ICE1: variants seen among roughly 807,000 people sequenced by gnomAD.
The protein encoded by ICE1 is little elongation complex subunit 1.
A neutral mutation model predicts 192.7 loss-of-function variants in ICE1; 64 were observed. The observed-to-expected ratio is 0.33, with a 90% CI of 0.27 to 0.41. The LOEUF is 0.41. Ranked by LOEUF, ICE1 falls within the 10% of genes least tolerant of loss-of-function variation. ICE1 has a pLI of 1.00. For missense variants in ICE1, 2,708 were observed against 2,696.0 expected (o/e 1.00, Z -0.10); for synonymous variants, 1,010 against 984.5 (o/e 1.03, Z -0.49).
chr5:5,437,784 T>C (rs934371763), intron 3 of ICE1: 1 of 152,220 alleles, frequency 6.6e-6, no homozygotes, highest in African/African-American at 2.4e-5. Context: ...TTTAAATCTC[T>C]CCTGTAAAAA....
At chr5:5,429,473 G>A (rs755729393) in intron 1 of ICE1, among the ~76,000 whole-genome samples, 21 of 152,304 alleles carry the variant, frequency 1.4e-4, no homozygotes, top group Non-Finnish European at 3.1e-4. Context: ...GAGTGCTACA[G>A]CCAGCTGGTA....
At chr5:5,429,527 A>G (rs1298168139) in intron 1 of ICE1, among the ~76,000 whole-genome samples, 1 of 152,208 alleles carries the variant, frequency 6.6e-6, no homozygotes, top group East Asian at 1.9e-4. Context: ...CTTCTAGCCC[A>G]AGATGTCAGT....
Position 5,443,195 on chromosome 5 carries a change from C to A in ICE1, c.337C>A (p.His113Asn), listed in dbSNP as rs774511819. 34 of 1,509,878 alleles carry A rather than the reference C, an allele frequency of 2.3e-5. No individual in the cohort carries two copies. In the South Asian group the frequency reaches 4.2e-4, roughly 19 times the overall value. The allele number at this position is 1,509,878 out of a possible 1,614,324, so 93.5% of individuals were successfully genotyped here. A position where few individuals can be genotyped will look rare whatever the true frequency, so the allele number is the denominator to read the frequency against. ...TTCTTTAAAGTTGTATCAGGATACT[C>A]ATCAGGAATATGCTCGTGTAAAGGA... ...KSSLKLYQDT[H>N]QEYARVKEEC... The change falls in exon 6 of 19, where the codon CAT becomes AAT. Residue 113 changes from histidine to asparagine, a missense_variant. By Grantham distance (68) the His-to-Asn change is moderately conservative. Coordinates refer to ENST00000296564, the MANE Select transcript of ICE1 (RefSeq NM_015325.3).
intron 3 of ICE1, 121 bp downstream of exon 3, chr5:5,437,235 A>G: frequency 1.5e-6 from 1 of 685,674 alleles, no homozygotes; most frequent in Non-Finnish European, 2.5e-6. Context: ...AGGCTTCAGT[A>G]GGGAGCATGT....
Position 5,422,923 on chromosome 5 carries a change from C to G in ICE1, c.8C>G (p.Pro3Arg), listed in dbSNP as rs758716718. Residue 3 changes from proline to arginine, a missense_variant, in exon 1 of 19, where the codon CCG (proline) becomes CGG (arginine). This residue lies in a region of ICE1 where 2,366 missense variants were observed against 2,276.6 expected (regional missense o/e 1.04). Coordinates refer to ENST00000296564, the MANE Select transcript of ICE1 (RefSeq NM_015325.3). ...GGGCCCGGCGGCGGCACCATGATGCCGGGCGAGACCCATTCGGCGGCGCCC... is the reference window on the plus strand; with the variant it reads ...GGGCCCGGCGGCGGCACCATGATGCGGGGCGAGACCCATTCGGCGGCGCCC... MM[P>R]GETHSAAPGT... is the part of the protein sequence containing the mutation. 2.1e-6 allele frequency: 3 copies of G among 1,417,660 alleles called. No individual in the cohort carries two copies. The highest frequency in any genetic ancestry group is 2.6e-5 in the Admixed American group (1 of 38,474). 87.8% of individuals were successfully genotyped at this position (1,417,660 alleles called of 1,614,324 possible). A position where few individuals can be genotyped will look rare whatever the true frequency, so the allele number is the denominator to read the frequency against.
At position 5,485,045 on chromosome 5, in the gene ICE1, A is replaced by G. The variant is rs78615640; in HGVS notation, c.6521-1676A>G. Among the ~76,000 whole-genome samples, 637 of 152,046 alleles carry G rather than the reference A, an allele frequency of 4.2e-3. 13 individuals are homozygous for G. The East Asian group carries it at 0.06, about 14-fold the overall frequency. The stretch of plus-strand genomic sequence containing the variant: ...CTGCGAGTGTAGGGGAATGGGGGGA[A>G]TGATGCCATCCTGCTTGCTTTAGCC... On this transcript the variant is annotated intron_variant, in intron 17 of 18. Coordinates refer to ENST00000296564, the MANE Select transcript of ICE1 (RefSeq NM_015325.3).
chr5:5,432,253 A>G (rs903727574), intron 1 of ICE1, among the ~76,000 whole-genome samples: 1 of 152,152 alleles, frequency 6.6e-6, no homozygotes, highest in Non-Finnish European at 1.5e-5. Flanking sequence ...GGCTCTGTTA[A>G]GGAAAATTCA....
At chr5:5,428,560 T>G (rs915241985) in intron 1 of ICE1, among the ~76,000 whole-genome samples, 1 of 152,236 alleles carries the variant, frequency 6.6e-6, no homozygotes, top group African/African-American at 2.4e-5. Context: ...GTTAACATGT[T>G]ATTGCATTTG....
Position 5,462,761 on chromosome 5 carries a change from G to T in ICE1, c.3427G>T (p.Val1143Leu), listed in dbSNP as rs752804823. 11 of 1,613,794 alleles carry T rather than the reference G, an allele frequency of 6.8e-6. No individual in the cohort carries two copies. Among genetic ancestry groups the T allele is most frequent in the East Asian group, 2.2e-5 (1 of 44,886 alleles). The stretch of plus-strand genomic sequence containing the variant: ...AGACACAGATGCTGCTGTAGCCGAG[G>T]TGAGACCTTCCTTAGAGGTAGGTTA... ...LGDTDAAVAE[V>L]RPSLEVGYLT... Residue 1143 changes from valine (V) to leucine (L), a missense_variant, in exon 13 of 19, where the codon GTG (valine) becomes TTG (leucine). Physicochemically the swap from Val to Leu is conservative, Grantham distance 32. Coordinates refer to ENST00000296564, the MANE Select transcript of ICE1 (RefSeq NM_015325.3).
chr5:5,430,045 C>A (rs1737653220), intron 1 of ICE1, among the ~76,000 whole-genome samples: 1 of 152,150 alleles, frequency 6.6e-6, no homozygotes, highest in South Asian at 2.1e-4. Context: ...ATAATAGAAG[C>A]TCTAGAAGAG....
chr5:5,479,522 G>C (rs1352218856), intron 17 of ICE1, among the ~76,000 whole-genome samples: 1 of 152,174 alleles, frequency 6.6e-6, no homozygotes, highest in Non-Finnish European at 1.5e-5. Flanking sequence ...AAGCATTGTG[G>C]AAGACAGTGT....
At chr5:5,434,473 G>A (rs1230351815) in intron 1 of ICE1, among the ~76,000 whole-genome samples, 2 of 151,996 alleles carry the variant, frequency 1.3e-5, no homozygotes, top group Non-Finnish European at 2.9e-5. Context: ...TAGATCTTTT[G>A]TGTGTATGTT....
chr5:5,472,385 C>T (rs184235551), intron 15 of ICE1, among the ~76,000 whole-genome samples: 12 of 152,310 alleles, frequency 7.9e-5, no homozygotes, highest in Admixed American at 6.5e-4. Context: ...AGGAGATTCT[C>T]AGCACTTTAT....
At chr5:5,445,468 C>A (rs1425570938) in intron 7 of ICE1, among the ~76,000 whole-genome samples, 4 of 152,082 alleles carry the variant, frequency 2.6e-5, no homozygotes, top group Non-Finnish European at 4.4e-5. Flanking sequence ...GGGTCTCTCT[C>A]TGTCACTCAG....
intron 17 of ICE1, among the ~76,000 whole-genome samples, chr5:5,482,569 C>A (rs1739534204): frequency 6.6e-6 from 1 of 152,174 alleles, no homozygotes; most frequent in Admixed American, 6.5e-5. Flanking sequence ...CACAGGTGCA[C>A]CAGCACAGGA....
chr5:5,439,754 T>C, intron 3 of ICE1, 141 bp from the exon 4 acceptor site: 1 of 505,708 alleles, frequency 2.0e-6, no homozygotes, highest in Non-Finnish European at 3.5e-6. Flanking sequence ...AGATTGCATT[T>C]TGAATATAGT....
At chr5:5,442,029 A>T (rs548166620) in intron 5 of ICE1, among the ~76,000 whole-genome samples, 1 of 152,334 alleles carries the variant, frequency 6.6e-6, no homozygotes, top group South Asian at 2.1e-4. Flanking sequence ...CACTTCAGAT[A>T]TGAAAATACG....
chr5:5,444,174 T>C, intron 6 of ICE1, 115 bp from the exon 7 acceptor site: 4 of 684,908 alleles, frequency 5.8e-6, no homozygotes, highest in Non-Finnish European at 2.6e-6. Context: ...TAGTTCAGAC[T>C]GAACATTTGT....
At chr5:5,467,043 G>A (rs192939495) in intron 14 of ICE1, among the ~76,000 whole-genome samples, 1 of 152,198 alleles carries the variant, frequency 6.6e-6, no homozygotes, top group African/African-American at 2.4e-5. Flanking sequence ...ATATACAAAT[G>A]AAACCTAGTA....
Sources: allele counts gnomAD v4.1 joint callset (sites outside exome capture counted in the v4.1 genomes callset), GRCh38; gene constraint gnomAD v4.1.1; regional missense constraint gnomAD v4.1.1; transcripts MANE v1.5; gene names NCBI Gene and HGNC (gene_info 2026-07-23, HGNC 2026-07-21).